Variants in SNX24 observed in about 807,000 individuals in gnomAD.
SNX24 encodes sorting nexin-24.
SNX24 carries 22 observed loss-of-function variants against 28.7 expected under a neutral mutation model. The ratio of observed to expected loss-of-function variants is 0.77; its 90% confidence interval spans 0.55 to 1.10. The LOEUF is 1.10. SNX24 is among the 50% of genes least tolerant of loss of function. The pLI, the probability that SNX24 is intolerant of heterozygous loss-of-function variation, is 0.00. For synonymous variants in SNX24, 69 were observed against 71.5 expected (o/e 0.96, Z 0.18); for missense variants, 221 against 201.1 (o/e 1.10, Z -0.60).
chr5:122,981,138 T>C (rs958291121), intron 3 of SNX24, among the ~76,000 whole-genome samples: 14 of 152,188 alleles, frequency 9.2e-5, no homozygotes, highest in African/African-American at 2.7e-4. Flanking sequence ...GCAAAACATA[T>C]GTTATTTGTG....
At chr5:122,894,225 C>T (rs1167642069) in intron 1 of SNX24, among the ~76,000 whole-genome samples, 1 of 151,950 alleles carries the variant, frequency 6.6e-6, no homozygotes, top group Non-Finnish European at 1.5e-5. Context: ...TGGTCCCTTC[C>T]ATTCTACACC....
intron 1 of SNX24, among the ~76,000 whole-genome samples, chr5:122,893,418 A>G (rs1423616372): frequency 6.6e-6 from 1 of 152,090 alleles, no homozygotes; most frequent in Non-Finnish European, 1.5e-5. Flanking sequence ...AGAAACCAAG[A>G]TCTGCGTGGT....
At chr5:122,933,541 G>A (rs559088971) in intron 1 of SNX24, among the ~76,000 whole-genome samples, 2 of 152,298 alleles carry the variant, frequency 1.3e-5, no homozygotes, top group East Asian at 3.9e-4. Flanking sequence ...TAGTAGGTAT[G>A]GCCTTGTTTC....
At chr5:123,014,659 C>G (rs1458764057) in intron 5 of SNX24, among the ~76,000 whole-genome samples, 1 of 152,162 alleles carries the variant, frequency 6.6e-6, no homozygotes, top group Non-Finnish European at 1.5e-5. Context: ...ATTCTCGACA[C>G]AAAAACCAGG....
intron 1 of SNX24, among the ~76,000 whole-genome samples, chr5:122,850,928 G>C (rs1561501781): frequency 6.6e-6 from 1 of 152,088 alleles, no homozygotes; most frequent in South Asian, 2.1e-4. Flanking sequence ...TGTGAGGCTG[G>C]AAGAGAGAGG....
chr5:122,866,969 G>A (rs939917666), intron 1 of SNX24, among the ~76,000 whole-genome samples: 2 of 152,122 alleles, frequency 1.3e-5, no homozygotes, highest in African/African-American at 2.4e-5. Flanking sequence ...TTTGCTAGTG[G>A]GTCACTGGGG....
chr5:122,923,071 C>T (rs1279109522), intron 1 of SNX24, among the ~76,000 whole-genome samples: 3 of 152,078 alleles, frequency 2.0e-5, no homozygotes, highest in Non-Finnish European at 4.4e-5. Context: ...AGCTCAGTAC[C>T]TGTAATCCCA....
intron 3 of SNX24, among the ~76,000 whole-genome samples, chr5:122,964,247 CAAA>C (rs34174497): frequency 2.7e-5 from 1 of 36,582 alleles, no homozygotes; most frequent in Non-Finnish European, 5.2e-5. Flanking sequence ...GACTCCATCT[CAAA>C]AAAAAAAAAA....
intron 3 of SNX24, among the ~76,000 whole-genome samples, chr5:122,953,597 T>A (rs1002798794): frequency 6.6e-6 from 1 of 152,082 alleles, no homozygotes; most frequent in Non-Finnish European, 1.5e-5. Flanking sequence ...TGAGGGTTGT[T>A]TAGTGGGTAC....
At chr5:122,984,440 G>A (rs1344180684) in intron 3 of SNX24, among the ~76,000 whole-genome samples, 1 of 152,120 alleles carries the variant, frequency 6.6e-6, no homozygotes, top group African/African-American at 2.4e-5. Flanking sequence ...AACCCCAACT[G>A]CACTGAATTC....
At chr5:122,952,442 A>T (rs371923425) in intron 3 of SNX24, among the ~76,000 whole-genome samples, 1 of 152,046 alleles carries the variant, frequency 6.6e-6, no homozygotes, top group Non-Finnish European at 1.5e-5. Flanking sequence ...CCCCCTTCGC[A>T]CTCACCCCAG....
intron 1 of SNX24, among the ~76,000 whole-genome samples, chr5:122,924,333 T>C (rs1480440755): frequency 6.6e-6 from 1 of 152,194 alleles, no homozygotes; most frequent in Admixed American, 6.5e-5. Context: ...AAGAATTCCT[T>C]GAACACAAGC....
intron 1 of SNX24, among the ~76,000 whole-genome samples, chr5:122,860,171 C>T (rs1033782961): frequency 1.3e-5 from 2 of 152,110 alleles, no homozygotes; most frequent in Admixed American, 1.3e-4. Flanking sequence ...GGCAAAGAAA[C>T]GTGTTTCAGG....
chr5:122,848,803 C>T (rs1358603126), intron 1 of SNX24, among the ~76,000 whole-genome samples: 1 of 152,102 alleles, frequency 6.6e-6, no homozygotes, highest in East Asian at 1.9e-4. Flanking sequence ...GTGGTTTCTC[C>T]TCTTTGCTTC....
At chr5:122,883,649 C>A (rs1561543908) in intron 1 of SNX24, among the ~76,000 whole-genome samples, 1 of 151,148 alleles carries the variant, frequency 6.6e-6, no homozygotes, top group East Asian at 1.9e-4. Flanking sequence ...ATTATTTATT[C>A]TTTTTTTTTG....
At chr5:123,028,584 T>G (rs902823094) in intron 5 of SNX24, 3 of 468,234 alleles carry the variant, frequency 6.4e-6, no homozygotes, top group African/African-American at 4.0e-5. Context: ...CTGCTTAAAA[T>G]AAGGACGCCT....
intron 3 of SNX24, among the ~76,000 whole-genome samples, chr5:122,964,844 A>G (rs1337769879): frequency 6.6e-6 from 1 of 152,184 alleles, no homozygotes; most frequent in Non-Finnish European, 1.5e-5. Flanking sequence ...TTTTGGTAAT[A>G]GGATTCTTTT....
intron 1 of SNX24, among the ~76,000 whole-genome samples, chr5:122,934,229 CACTACTAGGAGTTT>C (rs1379263980): frequency 6.6e-6 from 1 of 152,172 alleles, no homozygotes. Context: ...GGTGCCTAAT[CACTACTAGGAGTTT>C]ACCAGCAGAG....
exon 6 of SNX24, chr5:123,029,309 C>T (rs982137322): frequency 6.2e-7 from 1 of 1,614,108 alleles, no homozygotes; most frequent in Non-Finnish European, 8.5e-7. Context: ...ACATACCTCT[C>T]CTGTTGCTAG....
Sources: allele counts gnomAD v4.1 joint callset (sites outside exome capture counted in the v4.1 genomes callset), GRCh38; gene constraint gnomAD v4.1.1; transcripts MANE v1.5; gene names NCBI Gene and HGNC (gene_info 2026-07-23, HGNC 2026-07-21).